DHX29: variants seen among roughly 807,000 people sequenced by gnomAD.
DHX29 encodes the protein ATP-dependent RNA helicase DHX29.
DHX29 carries 79 observed loss-of-function variants against 167.9 expected under a neutral mutation model. That is an observed-to-expected ratio of 0.47 (90% CI 0.39 to 0.57). The LOEUF is 0.57. DHX29 is among the 20% of genes least tolerant of loss of function. The probability of loss-of-function intolerance (pLI) is 0.00; values close to 1 mark genes in which losing one functional copy is unlikely to be tolerated. For synonymous variants in DHX29, 530 were observed against 546.0 expected (o/e 0.97, Z 0.41); for missense variants, 1,347 against 1,593.4 (o/e 0.85, Z 2.63).
At chr5:55,291,326 A>G (rs1748033781) in intron 6 of DHX29, among the ~76,000 whole-genome samples, 1 of 152,218 alleles carries the variant, frequency 6.6e-6, no homozygotes, top group Non-Finnish European at 1.5e-5. Context: ...AAAAGAGACA[A>G]TTAAGCAAGC....
At chr5:55,267,589 C>A in intron 22 of DHX29, 97 bp downstream of exon 22, 1 of 1,120,586 alleles carries the variant, frequency 8.9e-7, no homozygotes, top group Non-Finnish European at 1.2e-6. Flanking sequence ...AAATTTAAAC[C>A]TCAGAAGTAC....
intron 10 of DHX29, 146 bp downstream of exon 10, chr5:55,285,147 T>C: frequency 8.2e-7 from 1 of 1,220,816 alleles, no homozygotes; most frequent in Non-Finnish European, 1.1e-6. Context: ...GAACGAAAGA[T>C]CAAACTATGT....
At chr5:55,277,003 C>CT (rs1358920821) in intron 13 of DHX29, 103 bp downstream of exon 13, 2 of 759,204 alleles carry the variant, frequency 2.6e-6, no homozygotes, top group Non-Finnish European at 4.3e-6. Flanking sequence ...CTCACTGTAC[C>CT]TAGGAATAGT....
In DHX29 at chr5:55,297,416, G is replaced by T. The variant is rs1199522145; in HGVS notation, c.262-18C>A. 4.1e-6 allele frequency: 4 copies of T among 976,352 alleles called. No homozygotes were observed. Among genetic ancestry groups the T allele is most frequent in the South Asian group, 1.4e-5 (1 of 72,308 alleles). The allele number at this position is 976,352 out of a possible 1,614,324, so 60.5% of individuals were successfully genotyped here. Reference sequence around the variant, plus strand: ...ATTACCACCTGTTGAGGCCAAAAAGGTCATATCATTTAGAAGCTAAATTAT... The same window carrying T: ...ATTACCACCTGTTGAGGCCAAAAAGTTCATATCATTTAGAAGCTAAATTAT... On this transcript the variant is annotated intron_variant, in intron 2 of 26. Transcript: ENST00000251636.
At chr5:55,256,793 A>C (rs2111762070) in intron 26 of DHX29, among the ~76,000 whole-genome samples, 1 of 152,318 alleles carries the variant, frequency 6.6e-6, no homozygotes, top group East Asian at 1.9e-4. Context: ...TATAGGCTAA[A>C]CCCCAAAGAG....
chr5:55,296,925 A>G lies in DHX29; in HGVS notation c.375+360T>C, dbSNP rs144467986. On this transcript the variant is annotated intron_variant, in intron 3 of 26. Coordinates refer to ENST00000251636, the MANE Select transcript of DHX29 (RefSeq NM_019030.4). Reference sequence around the variant, plus strand: ...TGTTTACTAGTAACCTTAGGGTATAATTTATGGCATCTTTGCAAGCCTCAA... The same window carrying G: ...TGTTTACTAGTAACCTTAGGGTATAGTTTATGGCATCTTTGCAAGCCTCAA... Among the ~76,000 whole-genome samples the G allele has an allele frequency of 2.4e-3, 366 of 152,300 alleles. 1 individual carries two copies. The highest frequency in any genetic ancestry group is 8.2e-3 in the African/African-American group (341 of 41,572).
intron 9 of DHX29, 30 bp from the exon 10 acceptor site, chr5:55,285,446 A>G: frequency 6.4e-7 from 1 of 1,566,474 alleles, no homozygotes; most frequent in Non-Finnish European, 8.7e-7. Context: ...TTTTAAAAAA[A>G]TAAAGTTGAC....
At chr5:55,257,875 ATTCT>A in intron 26 of DHX29, among the ~76,000 whole-genome samples, 1 of 152,224 alleles carries the variant, frequency 6.6e-6, no homozygotes, top group Non-Finnish European at 1.5e-5. Context: ...ATAAAATGTA[ATTCT>A]TTCTAATGCC....
intron 11 of DHX29, chr5:55,282,919 T>C: frequency 4.6e-6 from 1 of 219,290 alleles, no homozygotes; most frequent in Non-Finnish European, 8.9e-6. Context: ...TCTTTGGCTG[T>C]TCAATTTAGT....
intron 25 of DHX29, 83 bp from the exon 26 acceptor site, chr5:55,260,027 T>G (rs956625993): frequency 1.9e-5 from 13 of 693,954 alleles, no homozygotes; most frequent in Non-Finnish European, 3.3e-5. Flanking sequence ...AAGCCTATAT[T>G]ACAATCTGCC....
chr5:55,290,642 T>C (rs1270873364), intron 6 of DHX29, among the ~76,000 whole-genome samples: 1 of 152,124 alleles, frequency 6.6e-6, no homozygotes. Context: ...AGAAAGAGGG[T>C]GACCCACATG....
At chr5:55,259,226 T>C (rs1250457259) in intron 26 of DHX29, among the ~76,000 whole-genome samples, 1 of 152,182 alleles carries the variant, frequency 6.6e-6, no homozygotes, top group African/African-American at 2.4e-5. Flanking sequence ...TGCTCAGTTT[T>C]ATTAACCTTT....
chr5:55,289,574 C>G, intron 7 of DHX29, 146 bp from the exon 8 acceptor site: 1 of 566,206 alleles, frequency 1.8e-6, no homozygotes. Flanking sequence ...AACTGCATTC[C>G]TTCTTTTTCC....
rs749184184 is a variant in DHX29 at position 55,276,387 on chromosome 5, A to C, written c.2306T>G (p.Ile769Arg). 1 of 1,591,440 alleles carries C rather than the reference A, an allele frequency of 6.3e-7. No homozygotes were observed. Among genetic ancestry groups the C allele is most frequent in the Non-Finnish European group, 8.5e-7 (1 of 1,173,360 alleles). Residue 769 changes from isoleucine (I) to arginine (R), a missense_variant, in exon 14 of 27, where the codon ATA (isoleucine) becomes AGA (arginine). Physicochemically the swap from Ile to Arg is moderately conservative, Grantham distance 97. This residue lies in a region of DHX29 where 882 missense variants were observed against 1,082.4 expected (regional missense o/e 0.81). Transcript: ENST00000251636. ...YPVEVFHLED[I>R]IEETGFVLEK... ...CAGTACAAAGCCTGTTTCTTCTATT[A>C]TATCTTCAAGATGAAAAACCTGCAT...
chr5:55,281,079 ACG>A (rs1491448670), intron 12 of DHX29, among the ~76,000 whole-genome samples: 223 of 146,904 alleles, frequency 1.5e-3, no homozygotes, highest in South Asian at 6.0e-3. Context: ...ACACACACAC[ACG>A]CTATATATAA....
At chr5:55,272,303 T>C (rs1233899407) in intron 17 of DHX29, 128 bp from the exon 18 acceptor site, 1 of 643,046 alleles carries the variant, frequency 1.6e-6, no homozygotes, top group Non-Finnish European at 2.7e-6. Context: ...AAATTTACAA[T>C]CTATTTGCTA....
At chr5:55,263,848 C>A (rs1207238948) in intron 23 of DHX29, among the ~76,000 whole-genome samples, 2 of 150,212 alleles carry the variant, frequency 1.3e-5, no homozygotes, top group African/African-American at 4.9e-5. Flanking sequence ...AAAGTTCATT[C>A]CACTTAGAGA....
In DHX29 at chr5:55,283,806, A is replaced by C. The variant is rs1747571939; in HGVS notation, c.1362T>G (p.Val454=). The change falls in exon 11 of 27, where the codon GTT becomes GTG. Residue 454 remains valine, a synonymous_variant. Transcript: ENST00000251636. The part of the protein sequence containing the change: ...ALYRLVKGQS[V]HQLLPPTYRD... ...GGTAAGTGGGAGGAAGTAACTGATGAACTGACTAAAGGAAAAACAGAGGTA... is the reference window on the plus strand; with the variant it reads ...GGTAAGTGGGAGGAAGTAACTGATGCACTGACTAAAGGAAAAACAGAGGTA... The C allele has an allele frequency of 6.3e-7, 1 of 1,584,600 alleles. No homozygotes were observed. The highest frequency in any genetic ancestry group is 8.6e-7 in the Non-Finnish European group (1 of 1,169,180).
rs1259454214 is a variant in DHX29, at chr5:55,296,304, T to A, written c.421A>T (p.Ile141Phe). ...LQAFSFKTKDIEDAMTNTLLY... is the reference protein window; with the variant it reads ...LQAFSFKTKDFEDAMTNTLLY... ...AGTGTATTGGTCATGGCATCTTCAA[T>A]GTCCTTTGTCTTAAATGAAAATGCT... The change falls in exon 4 of 27, where the codon ATT (isoleucine) becomes TTT (phenylalanine). Residue 141 changes from isoleucine (I) to phenylalanine (F), a missense_variant. Physicochemically the swap from Ile to Phe is conservative, Grantham distance 21 (BLOSUM62 0). Around this residue, in one of 3 missense-constraint regions of DHX29, gnomAD observed 405 missense variants for 416.8 expected, o/e 0.97. Coordinates refer to ENST00000251636, the MANE Select transcript of DHX29 (RefSeq NM_019030.4). 5 of 1,613,524 alleles carry A rather than the reference T, an allele frequency of 3.1e-6. No individual in the cohort carries two copies. Among genetic ancestry groups the A allele is most frequent in the Non-Finnish European group, 3.4e-6 (4 of 1,179,754 alleles).
Sources: allele counts gnomAD v4.1 joint callset (sites outside exome capture counted in the v4.1 genomes callset), GRCh38; gene constraint gnomAD v4.1.1; regional missense constraint gnomAD v4.1.1; transcripts MANE v1.5; gene names NCBI Gene and HGNC (gene_info 2026-07-23, HGNC 2026-07-21).